Variants in RSPRY1 observed in about 807,000 individuals in gnomAD.
RSPRY1 encodes the protein RING finger and SPRY domain-containing protein 1.
A neutral mutation model predicts 73.1 loss-of-function variants in RSPRY1; 23 were observed. That is an observed-to-expected ratio of 0.31 (90% CI 0.23 to 0.45). The LOEUF (loss-of-function observed/expected upper bound fraction) is 0.45. Ranked by LOEUF, RSPRY1 falls within the 20% of genes least tolerant of loss-of-function variation. RSPRY1 has a pLI of 1.00. For missense variants in RSPRY1, 448 were observed against 698.7 expected, an observed-to-expected ratio of 0.64 and a Z score of 4.05; for synonymous variants, 226 against 251.4, an observed-to-expected ratio of 0.90 and a Z score of 0.95.
intron 8 of RSPRY1, among the ~76,000 whole-genome samples, chr16:57,218,440 T>C (rs1238989549): frequency 2.0e-5 from 3 of 152,192 alleles, no homozygotes; most frequent in Non-Finnish European, 4.4e-5. Flanking sequence ...GTGTTCTTCA[T>C]TCTATCTAGC....
In RSPRY1 at chr16:57,196,352, C is replaced by T. The variant is rs139563434; in HGVS notation, c.-155-8152C>T. ...TGGACAAGGAAATTAACATTTTTGA[C>T]CCAAGAAGAAATGCCCTTTAGTATT... On this transcript the variant is annotated intron_variant, in intron 1 of 14. Transcript: ENST00000394420. Among the ~76,000 whole-genome samples, 127 of 152,214 alleles carry T rather than the reference C, an allele frequency of 8.3e-4. 1 individual carries two copies. The highest frequency in any genetic ancestry group is 2.8e-3 in the African/African-American group (116 of 41,526).
intron 1 of RSPRY1, among the ~76,000 whole-genome samples, chr16:57,199,486 C>T (rs1638441936): frequency 6.6e-6 from 1 of 151,406 alleles, no homozygotes; most frequent in African/African-American, 2.4e-5. Context: ...AGTGAGACTC[C>T]ATCTCAAAAA....
At chr16:57,225,500 C>T (rs1278150107) in intron 10 of RSPRY1, among the ~76,000 whole-genome samples, 2 of 152,186 alleles carry the variant, frequency 1.3e-5, no homozygotes, top group Non-Finnish European at 2.9e-5. Context: ...AAATCCAGTA[C>T]AAAATCATTG....
At chr16:57,215,361 T>C (rs2074920526) in intron 6 of RSPRY1, among the ~76,000 whole-genome samples, 1 of 152,172 alleles carries the variant, frequency 6.6e-6, no homozygotes, top group African/African-American at 2.4e-5. Flanking sequence ...GAATAGGCTT[T>C]CCAGCAGCAG....
intron 14 of RSPRY1, among the ~76,000 whole-genome samples, chr16:57,236,245 C>CT: frequency 6.6e-6 from 1 of 152,292 alleles, no homozygotes; most frequent in South Asian, 2.1e-4. Context: ...TGGATCTGGT[C>CT]TTAATCATCT....
rs2074892777 is a variant in RSPRY1, at chr16:57,213,936, T to C, written c.692T>C (p.Leu231Pro). Residue 231 changes from leucine (L) to proline (P), a missense_variant, in exon 6 of 15, where the codon CTA becomes CCA. Transcript: ENST00000394420. The stretch of plus-strand genomic sequence containing the variant: ...AGCCCAGGAATACTGGAATACTTGC[T>C]ACAGTGTCTGGTAAGTGAGACATCA... Reference protein sequence around the residue: ...LLSPGILEYLLQCLKLQSHPT... With the variant: ...LLSPGILEYLPQCLKLQSHPT... 1 of 1,605,706 alleles carries C rather than the reference T, an allele frequency of 6.2e-7. No homozygotes were observed. The highest frequency in any genetic ancestry group is 1.3e-5 in the African/African-American group (1 of 74,776).
intron 14 of RSPRY1, among the ~76,000 whole-genome samples, chr16:57,237,010 C>CA (rs1293280970): frequency 2.0e-5 from 3 of 151,604 alleles, no homozygotes; most frequent in Non-Finnish European, 2.9e-5. Flanking sequence ...ACTACAAATA[C>CA]AAAAAAAATT....
Position 57,204,792 on chromosome 16 carries a change from TCTGCCGA to T in RSPRY1, c.135_141del (p.Ile45MetfsTer57). 1 of 1,614,166 alleles carries T rather than the reference TCTGCCGA, an allele frequency of 6.2e-7. No homozygotes were observed. The highest frequency in any genetic ancestry group is 8.5e-7 in the Non-Finnish European group (1 of 1,180,034). On this transcript the variant is annotated frameshift_variant, in exon 2 of 15. Transcript: ENST00000394420. LOFTEE classifies it high-confidence loss of function. Reference sequence around the variant, plus strand: ...GCTACTACCATGGGTAATTCCTGTATCTGCCGAGATGACAGTGGAACAGATGACAGTG... The same window carrying T: ...GCTACTACCATGGGTAATTCCTGTATGATGACAGTGGAACAGATGACAGTG...
At chr16:57,221,475 TTGG>T in intron 10 of RSPRY1, 60 bp downstream of exon 10, 3 of 1,512,110 alleles carry the variant, frequency 2.0e-6, no homozygotes, top group Non-Finnish European at 2.7e-6. Flanking sequence ...TTCCCCCTAG[TTGG>T]TGGGTGGAAA....
Position 57,204,638 on chromosome 16 carries a change from G to A in RSPRY1, c.-21G>A. ...ACTCCAGGTTATGAAAACAGTACTT[G>A]GAAAACTGAAAACTACCTAAATGAT... On this transcript the variant is annotated 5_prime_UTR_variant, in exon 2 of 15. Transcript: ENST00000394420. 1 of 1,606,754 alleles carries A rather than the reference G, an allele frequency of 6.2e-7. No individual in the cohort carries two copies. The highest frequency in any genetic ancestry group is 8.5e-7 in the Non-Finnish European group (1 of 1,174,948).
intron 2 of RSPRY1, among the ~76,000 whole-genome samples, chr16:57,206,703 C>T (rs1461211683): frequency 6.6e-6 from 1 of 152,118 alleles, no homozygotes; most frequent in East Asian, 1.9e-4. Context: ...GCTTGGACTA[C>T]AGGCGTGTGC....
intron 4 of RSPRY1, among the ~76,000 whole-genome samples, chr16:57,210,962 G>A (rs2074831659): frequency 6.6e-6 from 1 of 152,166 alleles, no homozygotes; most frequent in Non-Finnish European, 1.5e-5. Flanking sequence ...AGATTGCAGT[G>A]AGACAAGATG....
At chr16:57,191,073 A>G (rs927762618) in intron 1 of RSPRY1, among the ~76,000 whole-genome samples, 1 of 152,210 alleles carries the variant, frequency 6.6e-6, no homozygotes, top group Non-Finnish European at 1.5e-5. Context: ...GTAATTTCAT[A>G]GGTCCTATGT....
intron 10 of RSPRY1, among the ~76,000 whole-genome samples, chr16:57,222,714 G>A (rs1468404519): frequency 1.3e-5 from 2 of 152,198 alleles, no homozygotes; most frequent in Non-Finnish European, 2.9e-5. Flanking sequence ...CAAAAATGGG[G>A]AAAATCTCAG....
At chr16:57,191,474 C>T (rs1280946530) in intron 1 of RSPRY1, among the ~76,000 whole-genome samples, 1 of 152,136 alleles carries the variant, frequency 6.6e-6, no homozygotes, top group African/African-American at 2.4e-5. Flanking sequence ...GGAAACCTGG[C>T]ACCAATACAA....
chr16:57,212,864 C>A (rs8058218), intron 4 of RSPRY1, 108 bp from the exon 5 acceptor site: 1 of 1,168,340 alleles, frequency 8.6e-7, no homozygotes, highest in Non-Finnish European at 1.2e-6. Context: ...CCGCCCGCCT[C>A]GGCCTCCCAA....
In RSPRY1 at chr16:57,211,281, A is replaced by G. The variant is rs182787828; in HGVS notation, c.517-1691A>G. Among the ~76,000 whole-genome samples, 103 of 151,624 alleles carry G rather than the reference A, an allele frequency of 6.8e-4. 1 individual carries two copies. Among genetic ancestry groups the G allele is most frequent in the East Asian group, 3.5e-3 (18 of 5,118 alleles). On this transcript the variant is annotated intron_variant, in intron 4 of 14. Transcript: ENST00000394420. ...TTGTCTCTGTTAAAAAAAAAAAAAAAAAAGAAAGCCAGGCACGGTGGCTCA... is the reference window on the plus strand; with the variant it reads ...TTGTCTCTGTTAAAAAAAAAAAAAAGAAAGAAAGCCAGGCACGGTGGCTCA...
chr16:57,213,857 A>G, intron 5 of RSPRY1, 31 bp from the exon 6 acceptor site: 1 of 1,483,082 alleles, frequency 6.7e-7, no homozygotes, highest in Non-Finnish European at 9.4e-7. Flanking sequence ...TGGCATTTTA[A>G]TTATATCAAG....
At chr16:57,194,568 G>T (rs1322560840) in intron 1 of RSPRY1, among the ~76,000 whole-genome samples, 12 of 152,072 alleles carry the variant, frequency 7.9e-5, no homozygotes, top group Admixed American at 2.0e-4. Context: ...TAGCCTTTGT[G>T]GGGGAGGGTT....
Sources: gnomAD v4.1 joint callset for allele counts (sites outside exome capture counted in the v4.1 genomes callset) on GRCh38, gnomAD v4.1.1 for gene constraint, MANE v1.5 for transcripts, NCBI Gene and HGNC (gene_info 2026-07-23, HGNC 2026-07-21) for gene names.